Variants in DHX8 observed in about 807,000 individuals in gnomAD.
DHX8 encodes the protein DEAH-box helicase 8, also known as ATP-dependent RNA helicase DHX8.
Under a neutral mutation model 140.7 loss-of-function variants are expected in DHX8, and 67 were observed. The ratio of observed to expected loss-of-function variants is 0.48; its 90% CI spans 0.39 to 0.58. The LOEUF is 0.58. DHX8 is among the 20% of genes least tolerant of loss of function. DHX8 has a pLI of 0.00. For synonymous variants in DHX8, 533 were observed against 553.2 expected, an observed-to-expected ratio of 0.96 and a Z score of 0.51; for missense variants, 887 against 1,550.7, an observed-to-expected ratio of 0.57 and a Z score of 7.19.
rs1970559867 is a variant in DHX8, at chr17:43,524,968, T to C, written c.*1121T>C. On this transcript the variant is annotated 3_prime_UTR_variant, in exon 23 of 23. Transcript: ENST00000262415. ...GCTCCTGAGGAGGGTTTTTTTTTTT[T>C]CTTCCCATAGAGATGGGTTCCCACT... The C allele has an allele frequency of 2.0e-6, 2 of 984,824 alleles. No homozygotes were observed. Among genetic ancestry groups the C allele is most frequent in the South Asian group, 4.7e-5 (1 of 21,248 alleles). 61.0% of individuals were successfully genotyped at this position (984,824 alleles called of 1,614,324 possible).
chr17:43,508,395 C>A lies in DHX8; in HGVS notation c.2377C>A (p.Leu793Met). 1 of 1,612,562 alleles carries A rather than the reference C, an allele frequency of 6.2e-7. No homozygotes were observed. Among genetic ancestry groups the A allele is most frequent in the South Asian group, 1.1e-5 (1 of 91,044 alleles). Residue 793 changes from leucine (L) to methionine (M), a missense_variant, in exon 16 of 23, where the codon CTG becomes ATG. By Grantham distance (15) the Leu-to-Met change is conservative. Transcript: ENST00000262415. ...QEEIDTACEI[L>M]YERMKSLGPD... is the part of the protein sequence containing the mutation. ...AGAAATTGATACTGCTTGTGAGATC[C>A]TGTATGAAAGAATGAAATCCCTGGG...
At chr17:43,529,144 G>T (rs903724611), downstream of DHX8, 69 of 1,613,786 alleles carry the variant, frequency 4.3e-5, no homozygotes, top group Non-Finnish European at 5.1e-5. Flanking sequence ...CCTTCTGCAT[G>T]ATGCCTTTCT....
At chr17:43,491,321 A>G (rs1416829035) in intron 4 of DHX8, 71 bp downstream of exon 4, 2 of 816,898 alleles carry the variant, frequency 2.4e-6, no homozygotes, top group Non-Finnish European at 3.6e-6. Context: ...TCTCATAGTA[A>G]TTTTATTAAT....
At chr17:43,513,544 T>G in intron 17 of DHX8, 42 bp downstream of exon 17, 1 of 1,594,654 alleles carries the variant, frequency 6.3e-7, no homozygotes, top group Non-Finnish European at 8.5e-7. Flanking sequence ...TAATCCTGAT[T>G]AGGGCCTTTC....
rs1268750530 is a variant in DHX8, at chr17:43,525,442, T to C, written c.*1595T>C. Reference sequence around the variant, plus strand: ...GGCCAGGCAATCTGCTGGCTGCAGATCCCTGCCCCTTCATTAAGCTGAGTG... The same window carrying C: ...GGCCAGGCAATCTGCTGGCTGCAGACCCCTGCCCCTTCATTAAGCTGAGTG... On this transcript the variant is annotated 3_prime_UTR_variant, in exon 23 of 23. Transcript: ENST00000262415. The C allele has an allele frequency of 1.0e-6, 1 of 984,756 alleles. No homozygotes were observed. Among genetic ancestry groups the C allele is most frequent in the Non-Finnish European group, 1.2e-6 (1 of 829,356 alleles). 61.0% of individuals were successfully genotyped at this position (984,756 alleles called of 1,614,324 possible). A position where few individuals can be genotyped will look rare whatever the true frequency, so the allele number is the denominator to read the frequency against.
chr17:43,496,309 G>A lies in DHX8; in HGVS notation c.1300+41G>A, dbSNP rs1268836583. On this transcript the variant is annotated intron_variant, in intron 9 of 22. Coordinates refer to ENST00000262415, the MANE Select transcript of DHX8 (RefSeq NM_004941.3). ...GATCGAGAAGGGTAATTGGCAAGTT[G>A]AGCCATTGAATTGGGTGATTTGCCT... 4.8e-6 allele frequency: 7 copies of A among 1,469,156 alleles called. No homozygotes were observed. In the African/African-American group the frequency reaches 9.7e-5, roughly 20 times the overall value. The allele number at this position is 1,469,156 out of a possible 1,614,324, so 91.0% of individuals were successfully genotyped here. A position where few individuals can be genotyped will look rare whatever the true frequency, so the allele number is the denominator to read the frequency against.
intron 8 of DHX8, among the ~76,000 whole-genome samples, chr17:43,495,912 A>G (rs546259566): frequency 6.6e-6 from 1 of 152,198 alleles, no homozygotes; most frequent in South Asian, 2.1e-4. Context: ...CAGCCTGGAC[A>G]AGTAGTGAGA....
chr17:43,520,963 A>ATTT (rs1198388903), intron 20 of DHX8, 84 bp downstream of exon 20: 4 of 656,186 alleles, frequency 6.1e-6, no homozygotes, highest in South Asian at 3.9e-5. Flanking sequence ...CTTGATGTGG[A>ATTT]CTTTTTTTTT....
chr17:43,522,325 T>C, intron 22 of DHX8, 99 bp downstream of exon 22: 1 of 1,178,210 alleles, frequency 8.5e-7, no homozygotes, highest in South Asian at 1.5e-5. Context: ...ACTCCCAGTA[T>C]GTCCTAGTAT....
intron 2 of DHX8, among the ~76,000 whole-genome samples, chr17:43,534,551 C>T (rs1457445464): frequency 6.6e-6 from 1 of 152,182 alleles, no homozygotes; most frequent in Admixed American, 6.5e-5. Context: ...AAAACACTTT[C>T]AAGGAGTGAG....
intron 12 of DHX8, among the ~76,000 whole-genome samples, chr17:43,506,710 G>A (rs1451075752): frequency 6.6e-6 from 1 of 151,758 alleles, no homozygotes; most frequent in African/African-American, 2.4e-5. Flanking sequence ...AAACATCGTT[G>A]ATTGTAATCC....
downstream of DHX8, chr17:43,525,843 C>CT: frequency 1.0e-6 from 1 of 984,874 alleles, no homozygotes. Context: ...CCTGTCCTGA[C>CT]TGAGTGCCCA....
intron 15 of DHX8, 56 bp from the exon 16 acceptor site, chr17:43,508,283 G>T: frequency 2.6e-6 from 4 of 1,563,124 alleles, no homozygotes; most frequent in Non-Finnish European, 3.5e-6. Context: ...CATAGCCCTT[G>T]TATAGGACAC....
At chr17:43,523,062 C>A (rs1316415050) in intron 22 of DHX8, among the ~76,000 whole-genome samples, 91 of 102,694 alleles carry the variant, frequency 8.9e-4, no homozygotes, top group South Asian at 1.3e-3. Context: ...GACTCCGTCC[C>A]AAAAAAAAAA....
Position 43,489,523 on chromosome 17 carries a change from G to T in DHX8, c.223G>T (p.Ala75Ser). The T allele has an allele frequency of 6.2e-7, 1 of 1,606,868 alleles. No homozygotes were observed. Among genetic ancestry groups the T allele is most frequent in the Non-Finnish European group, 8.5e-7 (1 of 1,173,618 alleles). Residue 75 changes from alanine to serine, a missense_variant, in exon 2 of 23, where the codon GCA becomes TCA. Coordinates refer to ENST00000262415, the MANE Select transcript of DHX8 (RefSeq NM_004941.3). ...TAAGGCTTCTCTCGTCAAAAATGGTGCAGAATTTACGGTATGTATATGTGG... is the reference window on the plus strand; with the variant it reads ...TAAGGCTTCTCTCGTCAAAAATGGTTCAGAATTTACGGTATGTATATGTGG... ...TFKASLVKNG[A>S]EFTDSLISNL... is the part of the protein sequence containing the mutation.
In DHX8 at chr17:43,524,262, C is replaced by T; in HGVS notation, c.*415C>T. ...GTTTGCCCCACTTCCCACCCCGTCT[C>T]CAGCCCCTGTACTTTGGCTTGACCT... On this transcript the variant is annotated 3_prime_UTR_variant, in exon 23 of 23. Transcript: ENST00000262415. 1 of 1,025,870 alleles carries T rather than the reference C, an allele frequency of 9.7e-7. No individual in the cohort carries two copies. Among genetic ancestry groups the T allele is most frequent in the Non-Finnish European group, 1.2e-6 (1 of 854,562 alleles). The allele number at this position is 1,025,870 out of a possible 1,614,324, so 63.5% of individuals were successfully genotyped here. A position where few individuals can be genotyped will look rare whatever the true frequency, so the allele number is the denominator to read the frequency against.
intron 17 of DHX8, among the ~76,000 whole-genome samples, chr17:43,514,714 G>T (rs1335270835): frequency 1.3e-5 from 2 of 152,156 alleles, no homozygotes; most frequent in Admixed American, 6.5e-5. Flanking sequence ...AGAAAAGGAT[G>T]TTCATCGAAG....
downstream of DHX8, chr17:43,529,975 G>T (rs1422551231): frequency 6.2e-7 from 1 of 1,613,874 alleles, no homozygotes; most frequent in African/African-American, 1.3e-5. Context: ...ATTGGGGGTT[G>T]CTCAGATCTG....
intron 1 of DHX8, among the ~76,000 whole-genome samples, chr17:43,484,708 C>A (rs1472790971): frequency 6.6e-6 from 1 of 152,188 alleles, no homozygotes; most frequent in East Asian, 1.9e-4. Flanking sequence ...GTGGCACGAT[C>A]TCGGCTCACT....
Sources: allele counts gnomAD v4.1 joint callset (sites outside exome capture counted in the v4.1 genomes callset), GRCh38; gene constraint gnomAD v4.1.1; transcripts MANE v1.5; gene names NCBI Gene and HGNC (gene_info 2026-07-23, HGNC 2026-07-21).